Variants in WASF1 observed in about 807,000 individuals in gnomAD.
The protein encoded by WASF1 is actin-binding protein WASF1.
WASF1 carries 7 observed loss-of-function variants against 50.5 expected under a neutral mutation model. The observed-to-expected ratio is 0.14, with a 90% CI of 0.08 to 0.26. The LOEUF (loss-of-function observed/expected upper bound fraction) is 0.26. Among genes scored for constraint, WASF1 ranks in the 10% least tolerant of loss-of-function variants. The pLI is 1.00. For missense variants in WASF1, 470 were observed against 694.7 expected, an observed-to-expected ratio of 0.68 and a Z score of 3.64; for synonymous variants, 205 against 244.0, an observed-to-expected ratio of 0.84 and a Z score of 1.49.
At chr6:110,140,518 G>A (rs1307470295) in intron 3 of WASF1, among the ~76,000 whole-genome samples, 1 of 152,128 alleles carries the variant, frequency 6.6e-6, no homozygotes, top group Admixed American at 6.5e-5. Flanking sequence ...TCAAGAGGTG[G>A]CAGTCTTGTG....
chr6:110,118,641 A>C (rs1286992447), intron 4 of WASF1, among the ~76,000 whole-genome samples: 1 of 152,196 alleles, frequency 6.6e-6, no homozygotes, highest in East Asian at 1.9e-4. Flanking sequence ...TCAAAGAGAC[A>C]GAAGGTTAAC....
At chr6:110,104,834 G>A (rs1773247785) in intron 8 of WASF1, among the ~76,000 whole-genome samples, 1 of 152,104 alleles carries the variant, frequency 6.6e-6, no homozygotes, top group South Asian at 2.1e-4. Context: ...AAGTGTCTTC[G>A]TAGACAGATG....
Position 110,103,438 on chromosome 6 carries a change from G to A in WASF1, c.833C>T (p.Pro278Leu), listed in dbSNP as rs557998284. 9.7e-5 allele frequency: 157 copies of A among 1,613,934 alleles called. No homozygotes were observed. The highest frequency in any genetic ancestry group is 1.3e-4 in the Non-Finnish European group (151 of 1,179,962). The change falls in exon 9 of 11, where the codon CCA becomes CTA. Residue 278 changes from proline to leucine, a missense_variant. Transcript: ENST00000392589. Reference sequence around the variant, plus strand: ...TCCATGCATTGGTGGAGGTGGAGGTGGTTCATGTGGTCTGACTAATACCCT... The same window carrying A: ...TCCATGCATTGGTGGAGGTGGAGGTAGTTCATGTGGTCTGACTAATACCCT... ...EERVLVRPHE[P>L]PPPPPMHGAG...
intron 2 of WASF1, among the ~76,000 whole-genome samples, chr6:110,161,041 C>T (rs963820195): frequency 7.3e-5 from 11 of 151,406 alleles, no homozygotes; most frequent in Non-Finnish European, 1.2e-4. Context: ...GCTACTAAAG[C>T]CGTATCTGAC....
At chr6:110,131,423 A>T (rs1333268357) in intron 3 of WASF1, among the ~76,000 whole-genome samples, 1 of 152,158 alleles carries the variant, frequency 6.6e-6, no homozygotes, top group Admixed American at 6.5e-5. Flanking sequence ...TTTTGTCATA[A>T]ATCAAGTTTC....
chr6:110,116,430 G>C (rs1039685507), intron 4 of WASF1, among the ~76,000 whole-genome samples: 2 of 152,132 alleles, frequency 1.3e-5, no homozygotes, highest in Non-Finnish European at 2.9e-5. Context: ...CTTGATCACT[G>C]CTAGTGCGGC....
At chr6:110,173,446 G>C (rs999119542) in intron 2 of WASF1, among the ~76,000 whole-genome samples, 25 of 152,038 alleles carry the variant, frequency 1.6e-4, no homozygotes, top group Non-Finnish European at 3.4e-4. Context: ...TAAGGGAGTA[G>C]GAAAAAAATG....
chr6:110,124,216 TC>T (rs56902117), intron 4 of WASF1, among the ~76,000 whole-genome samples: 3,346 of 62,504 alleles, frequency 0.054, 333 homozygotes, highest in African/African-American at 0.14. Flanking sequence ...TCTCTCTCTC[TC>T]CTCTCTCTCC....
rs1478659784 is a variant in WASF1 at position 110,160,650 on chromosome 6, G to A, written c.-44C>T. On this transcript the variant is annotated 5_prime_UTR_variant, in exon 3 of 11. Coordinates refer to ENST00000392589, the MANE Select transcript of WASF1 (RefSeq NM_003931.3). Reference sequence around the variant, plus strand: ...TTAATTTTACCTTGAAGATTTTAACGATTTTGCAGCCATAGCTTCCACTGC... The same window carrying A: ...TTAATTTTACCTTGAAGATTTTAACAATTTTGCAGCCATAGCTTCCACTGC... 2 of 151,676 alleles carry A rather than the reference G, an allele frequency of 1.3e-5. No homozygotes were observed. The highest frequency in any genetic ancestry group is 4.8e-5 in the African/African-American group (2 of 41,358). 9.4% of individuals were successfully genotyped at this position (151,676 alleles called of 1,614,324 possible). A position where few individuals can be genotyped will look rare whatever the true frequency, so the allele number is the denominator to read the frequency against.
At chr6:110,135,018 T>A (rs528126128) in intron 3 of WASF1, among the ~76,000 whole-genome samples, 2 of 152,326 alleles carry the variant, frequency 1.3e-5, no homozygotes, top group East Asian at 3.9e-4. Flanking sequence ...TGTTTCCATT[T>A]TGTTTGTGTT....
chr6:110,124,272 C>CTA (rs1416564445), intron 4 of WASF1, among the ~76,000 whole-genome samples: 86 of 42,638 alleles, frequency 2.0e-3, no homozygotes, highest in Non-Finnish European at 2.6e-3. Context: ...CTCTCTCTCT[C>CTA]TCTATATATA....
intron 2 of WASF1, among the ~76,000 whole-genome samples, chr6:110,173,184 C>T (rs1290665905): frequency 2.0e-5 from 3 of 152,078 alleles, no homozygotes; most frequent in South Asian, 2.1e-4. Context: ...TTATTCCATG[C>T]CCTGACACAT....
rs771018865 is a variant in WASF1 at position 110,100,581 on chromosome 6, C to T, written c.1621G>A (p.Val541Ile). Residue 541 changes from valine to isoleucine, a missense_variant, in exon 11 of 11, where the codon GTT becomes ATT. Physicochemically the swap from Val to Ile is conservative, Grantham distance 29. Transcript: ENST00000392589. ...VATILSRRIA[V>I]EYSDSEDDSE... ...TCATCTTCCGAATCACTATATTCAACAGCAATACGGCGAGACAGGATGGTG... is the reference window on the plus strand; with the variant it reads ...TCATCTTCCGAATCACTATATTCAATAGCAATACGGCGAGACAGGATGGTG... 6.2e-7 allele frequency: 1 copy of T among 1,613,782 alleles called. No homozygotes were observed. Among genetic ancestry groups the T allele is most frequent in the Non-Finnish European group, 8.5e-7 (1 of 1,179,862 alleles).
chr6:110,132,512 T>C (rs1275363797), intron 3 of WASF1, among the ~76,000 whole-genome samples: 2 of 152,000 alleles, frequency 1.3e-5, no homozygotes, highest in Admixed American at 6.6e-5. Context: ...AGACACCTTT[T>C]AATAGATTAA....
chr6:110,137,912 A>G (rs1433589670), intron 3 of WASF1, among the ~76,000 whole-genome samples: 1 of 152,252 alleles, frequency 6.6e-6, no homozygotes, highest in Non-Finnish European at 1.5e-5. Context: ...TGTAAGTATC[A>G]CAGGGTCCTT....
intron 4 of WASF1, among the ~76,000 whole-genome samples, chr6:110,116,193 C>A (rs1033382712): frequency 6.6e-6 from 1 of 152,218 alleles, no homozygotes; most frequent in Non-Finnish European, 1.5e-5. Flanking sequence ...ACAGTGGGTG[C>A]AGCCCACAGA....
intron 2 of WASF1, among the ~76,000 whole-genome samples, chr6:110,166,282 T>C (rs899629461): frequency 4.0e-5 from 6 of 151,706 alleles, no homozygotes; most frequent in African/African-American, 1.2e-4. Flanking sequence ...ATCTGAGTCC[T>C]CATTTTGACC....
chr6:110,117,077 T>A (rs1432307608), intron 4 of WASF1, among the ~76,000 whole-genome samples: 1 of 137,108 alleles, frequency 7.3e-6, no homozygotes, highest in Non-Finnish European at 1.5e-5. Flanking sequence ...AGCTGAAAAT[T>A]CGAAAAAAAA....
intron 3 of WASF1, among the ~76,000 whole-genome samples, chr6:110,153,997 A>AAAAT (rs1359204879): frequency 6.6e-6 from 1 of 152,134 alleles, no homozygotes; most frequent in Non-Finnish European, 1.5e-5. Flanking sequence ...AGAGTTGAGG[A>AAAAT]TACATTTGGA....
Sources: gnomAD v4.1 joint callset for allele counts (sites outside exome capture counted in the v4.1 genomes callset) on GRCh38, gnomAD v4.1.1 for gene constraint, MANE v1.5 for transcripts, NCBI Gene and HGNC (gene_info 2026-07-23, HGNC 2026-07-21) for gene names.